Variants in RB1CC1 observed in about 807,000 individuals in gnomAD.
RB1CC1 encodes RB1-inducible coiled-coil protein 1.
In RB1CC1, 46 loss-of-function variants were observed where a neutral mutation model predicts 177.5. That is an observed-to-expected ratio of 0.26 (90% CI 0.20 to 0.33). The LOEUF is 0.33. Among genes scored for constraint, RB1CC1 ranks in the 10% least tolerant of loss-of-function variants. RB1CC1 has a pLI of 1.00. For synonymous variants in RB1CC1, 666 were observed against 613.6 expected (o/e 1.09, Z -1.26); for missense variants, 1,703 against 1,816.3 (o/e 0.94, Z 1.13).
rs762664624 is a variant in RB1CC1 at position 52,623,859 on chromosome 8, C to T, written c.4708G>A (p.Ala1570Thr). 3 of 1,599,994 alleles carry T rather than the reference C, an allele frequency of 1.9e-6. No individual in the cohort carries two copies. In the African/African-American group the frequency reaches 4.0e-5, roughly 22 times the overall value. Residue 1570 changes from alanine (A) to threonine (T), a missense_variant and splice_region_variant, in exon 24 of 24, where the codon GCA (alanine) becomes ACA (threonine). Around this residue, in one of 6 missense-constraint regions of RB1CC1, gnomAD observed 70 missense variants for 118.0 expected, o/e 0.59. Transcript: ENST00000025008. ...AAAGGAACTTTAAATCTGTTTTGTG[C>T]CTAAGAGGGAAAGAAAAAATGGAAT... ...MEKEYCQAKKAQNRFKVPLGT... is the reference protein window; with the variant it reads ...MEKEYCQAKKTQNRFKVPLGT...
intron 7 of RB1CC1, among the ~76,000 whole-genome samples, chr8:52,670,471 C>G (rs548262994): frequency 6.6e-6 from 1 of 152,246 alleles, no homozygotes; most frequent in South Asian, 2.1e-4. Flanking sequence ...AACAAAGTTT[C>G]TTACACTCTC....
At position 52,656,815 on chromosome 8, in the gene RB1CC1, T is replaced by G; in HGVS notation, c.3014A>C (p.Lys1005Thr). Reference protein sequence around the residue: ...LQVRHIQEFEKVMTDHRVSLE... With the variant: ...LQVRHIQEFETVMTDHRVSLE... ...AGAAACTCTGTGGTCTGTCATAACCTTCTCAAACTCTTGTATGTGCCTAAC... is the reference window on the plus strand; with the variant it reads ...AGAAACTCTGTGGTCTGTCATAACCGTCTCAAACTCTTGTATGTGCCTAAC... Residue 1005 changes from lysine to threonine, a missense_variant, in exon 15 of 24, where the codon AAG becomes ACG. Physicochemically the swap from Lys to Thr is moderately conservative, Grantham distance 78. This residue lies in a region of RB1CC1 where 1,169 missense variants were observed against 1,184.7 expected (regional missense o/e 0.99). Coordinates refer to ENST00000025008, the MANE Select transcript of RB1CC1 (RefSeq NM_014781.5). 2 of 1,613,860 alleles carry G rather than the reference T, an allele frequency of 1.2e-6. No homozygotes were observed. Among genetic ancestry groups the G allele is most frequent in the Non-Finnish European group, 1.7e-6 (2 of 1,179,962 alleles).
At chr8:52,626,801 T>C (rs890378421) in intron 22 of RB1CC1, among the ~76,000 whole-genome samples, 1 of 46,958 alleles carries the variant, frequency 2.1e-5, no homozygotes, top group African/African-American at 9.0e-5. Context: ...CAAATAGCCA[T>C]GATGGAGTTG....
intron 15 of RB1CC1, among the ~76,000 whole-genome samples, chr8:52,647,671 T>C (rs1850174653): frequency 1.3e-5 from 2 of 152,024 alleles, no homozygotes; most frequent in African/African-American, 4.8e-5. Flanking sequence ...CTTTTAGGAA[T>C]AAAAAATAAG....
intron 15 of RB1CC1, among the ~76,000 whole-genome samples, chr8:52,654,869 T>A (rs1292913058): frequency 6.6e-6 from 1 of 152,178 alleles, no homozygotes; most frequent in African/African-American, 2.4e-5. Context: ...TTCCTCTTAG[T>A]AATTTTCCAT....
intron 16 of RB1CC1, among the ~76,000 whole-genome samples, chr8:52,644,731 A>C (rs1849866200): frequency 6.6e-6 from 1 of 152,126 alleles, no homozygotes; most frequent in East Asian, 1.9e-4. Flanking sequence ...TTTCAACTAT[A>C]CTTTATTTTC....
chr8:52,666,372 A>G (rs1271207645), intron 8 of RB1CC1, among the ~76,000 whole-genome samples: 1 of 151,832 alleles, frequency 6.6e-6, no homozygotes, highest in Admixed American at 6.6e-5. Context: ...TACAAAATTA[A>G]CCAGGCGTGG....
At chr8:52,631,832 A>G (rs958531615) in intron 20 of RB1CC1, among the ~76,000 whole-genome samples, 1 of 152,186 alleles carries the variant, frequency 6.6e-6, no homozygotes, top group African/African-American at 2.4e-5. Flanking sequence ...TGTTGTCAGT[A>G]AATTCTTCTT....
At chr8:52,659,170 C>T (rs888854621) in intron 12 of RB1CC1, among the ~76,000 whole-genome samples, 194 bp from the exon 13 acceptor site, 17 of 152,126 alleles carry the variant, frequency 1.1e-4, no homozygotes, top group African/African-American at 2.9e-4. Context: ...TAAACTGCGA[C>T]GTGAACTGCT....
Position 52,622,509 on chromosome 8 carries a change from C to T in RB1CC1, c.*1273G>A, listed in dbSNP as rs777114953. ...AACTTGTCAAATTCAGTTTTCTATA[C>T]ACTATGATGTTTATTCCATTTTGTA... On this transcript the variant is annotated 3_prime_UTR_variant, in exon 24 of 24. Coordinates refer to ENST00000025008, the MANE Select transcript of RB1CC1 (RefSeq NM_014781.5). 3.0e-4 allele frequency: 46 copies of T among 151,722 alleles called. No homozygotes were observed. Among genetic ancestry groups the T allele is most frequent in the Non-Finnish European group, 6.1e-4 (41 of 67,574 alleles). 9.4% of individuals were successfully genotyped at this position (151,722 alleles called of 1,614,324 possible).
chr8:52,699,913 A>G (rs1855895595), intron 1 of RB1CC1, among the ~76,000 whole-genome samples: 1 of 147,936 alleles, frequency 6.8e-6, no homozygotes, highest in Non-Finnish European at 1.5e-5. Flanking sequence ...CCACACCCAC[A>G]CAACAGGATA....
chr8:52,665,114 A>G (rs1002933328), intron 8 of RB1CC1, among the ~76,000 whole-genome samples: 1 of 152,176 alleles, frequency 6.6e-6, no homozygotes, highest in Non-Finnish European at 1.5e-5. Flanking sequence ...CATAAAATTT[A>G]ATATGAATAA....
chr8:52,658,246 C>A, intron 13 of RB1CC1, 122 bp from the exon 14 acceptor site: 2 of 1,119,672 alleles, frequency 1.8e-6, no homozygotes, highest in Non-Finnish European at 2.5e-6. Flanking sequence ...TAAATTAATA[C>A]CAGAAGTATT....
intron 16 of RB1CC1, among the ~76,000 whole-genome samples, chr8:52,643,696 CAAAAAAAAAAA>C (rs34520917): frequency 6.2e-5 from 5 of 81,088 alleles, no homozygotes; most frequent in Non-Finnish European, 1.2e-4. Flanking sequence ...CTCTAAGAGG[CAAAAAAAAAAA>C]AAAAAAAAAA....
chr8:52,706,548 C>A (rs1250960002), intron 1 of RB1CC1, among the ~76,000 whole-genome samples: 1 of 151,388 alleles, frequency 6.6e-6, no homozygotes, highest in African/African-American at 2.4e-5. Flanking sequence ...CTGGCTAACA[C>A]AGTGAAACCC....
chr8:52,692,562 G>A (rs1401647199), intron 1 of RB1CC1, among the ~76,000 whole-genome samples: 1 of 152,036 alleles, frequency 6.6e-6, no homozygotes, highest in Non-Finnish European at 1.5e-5. Flanking sequence ...GCTCAAAGAA[G>A]TTATTTCCTA....
intron 1 of RB1CC1, among the ~76,000 whole-genome samples, chr8:52,712,663 T>TC (rs1857158551): frequency 6.6e-6 from 1 of 152,182 alleles, no homozygotes; most frequent in African/African-American, 2.4e-5. Flanking sequence ...ATGAACTATG[T>TC]CAATATCCAC....
chr8:52,623,639 A>T lies in RB1CC1; in HGVS notation c.*143T>A, dbSNP rs567394040. On this transcript the variant is annotated 3_prime_UTR_variant, in exon 24 of 24. Coordinates refer to ENST00000025008, the MANE Select transcript of RB1CC1 (RefSeq NM_014781.5). ...TATTCCTAAAATGAAGCCAGTTAAA[A>T]AGTAAACGATGTACACCAGTGAAGT... The T allele has an allele frequency of 8.4e-5, 58 of 688,776 alleles. No individual in the cohort carries two copies. The highest frequency in any genetic ancestry group is 8.0e-4 in the South Asian group (53 of 66,264). 42.7% of individuals were successfully genotyped at this position (688,776 alleles called of 1,614,324 possible). A position where few individuals can be genotyped will look rare whatever the true frequency, so the allele number is the denominator to read the frequency against.
intron 1 of RB1CC1, among the ~76,000 whole-genome samples, chr8:52,709,632 G>T (rs1856890488): frequency 6.6e-6 from 1 of 152,184 alleles, no homozygotes; most frequent in Non-Finnish European, 1.5e-5. Context: ...CCACCTACTG[G>T]GAGGCTGAAG....
Sources: gnomAD v4.1 joint callset for allele counts (sites outside exome capture counted in the v4.1 genomes callset) on GRCh38, gnomAD v4.1.1 for gene constraint, gnomAD v4.1.1 regional missense constraint, MANE v1.5 for transcripts, NCBI Gene and HGNC (gene_info 2026-07-23, HGNC 2026-07-21) for gene names.